The following CNTNAP5 variants were observed in gnomAD, a reference collection of about 807,000 sequenced individuals.
The protein encoded by CNTNAP5 is contactin associated protein family member 5.
A neutral mutation model predicts 150.2 loss-of-function variants in CNTNAP5; 72 were observed. The observed-to-expected ratio is 0.48, with a 90% CI of 0.40 to 0.58. The LOEUF is 0.58. Among genes scored for constraint, CNTNAP5 ranks in the 20% least tolerant of loss-of-function variants. The pLI, the probability that CNTNAP5 is intolerant of heterozygous loss-of-function variation, is 0.00. For synonymous variants in CNTNAP5, 672 were observed against 619.8 expected (o/e 1.08, Z -1.25); for missense variants, 1,636 against 1,626.2 (o/e 1.01, Z -0.10).
At chr2:124,459,165 A>C (rs1693190220) in intron 6 of CNTNAP5, among the ~76,000 whole-genome samples, 1 of 152,218 alleles carries the variant, frequency 6.6e-6, no homozygotes, top group Non-Finnish European at 1.5e-5. Flanking sequence ...AATTGCGGTC[A>C]GCCCTGCATG....
At chr2:124,822,864 G>T (rs989272686) in intron 19 of CNTNAP5, among the ~76,000 whole-genome samples, 3 of 152,146 alleles carry the variant, frequency 2.0e-5, no homozygotes, top group Admixed American at 2.0e-4. Context: ...GGATATTGAC[G>T]TAGAGGTATC....
intron 1 of CNTNAP5, among the ~76,000 whole-genome samples, chr2:124,059,763 A>C (rs1681954114): frequency 6.6e-6 from 1 of 151,954 alleles, no homozygotes; most frequent in African/African-American, 2.4e-5. Context: ...AGAGTTTTTC[A>C]ATATCTGTGT....
chr2:124,063,059 T>A (rs184219216), intron 1 of CNTNAP5, among the ~76,000 whole-genome samples: 1 of 152,112 alleles, frequency 6.6e-6, no homozygotes, highest in South Asian at 2.1e-4. Context: ...TTCCTGTCCT[T>A]ACTGATTCTC....
At chr2:124,806,649 A>G (rs1232039650) in intron 19 of CNTNAP5, among the ~76,000 whole-genome samples, 1 of 152,196 alleles carries the variant, frequency 6.6e-6, no homozygotes, top group African/African-American at 2.4e-5. Context: ...GTACTGTGAG[A>G]ATCAGAATAA....
At chr2:124,854,292 T>C (rs1001859781) in intron 19 of CNTNAP5, among the ~76,000 whole-genome samples, 3 of 152,206 alleles carry the variant, frequency 2.0e-5, no homozygotes, top group Non-Finnish European at 4.4e-5. Context: ...TAGCATGACA[T>C]AGTGGAAAGG....
intron 18 of CNTNAP5, among the ~76,000 whole-genome samples, chr2:124,792,345 G>T (rs1681752571): frequency 6.6e-6 from 1 of 151,970 alleles, no homozygotes; most frequent in East Asian, 1.9e-4. Flanking sequence ...TAACTTATTG[G>T]GGCTCATAAA....
intron 3 of CNTNAP5, among the ~76,000 whole-genome samples, chr2:124,324,178 G>A (rs1249748779): frequency 2.0e-5 from 3 of 152,248 alleles, no homozygotes; most frequent in East Asian, 1.9e-4. Flanking sequence ...TTAGTTCCTA[G>A]GGAACCACTG....
intron 3 of CNTNAP5, among the ~76,000 whole-genome samples, chr2:124,254,738 A>C (rs2104784197): frequency 6.6e-6 from 1 of 152,274 alleles, no homozygotes; most frequent in East Asian, 1.9e-4. Context: ...AATCTCAGGA[A>C]CCATTTGTCA....
At chr2:124,500,244 G>T (rs897428922) in intron 7 of CNTNAP5, among the ~76,000 whole-genome samples, 1 of 152,160 alleles carries the variant, frequency 6.6e-6, no homozygotes, top group African/African-American at 2.4e-5. Flanking sequence ...TCATGGCACA[G>T]TCGAGCTGAC....
At chr2:124,488,930 C>A (rs550625417) in intron 7 of CNTNAP5, among the ~76,000 whole-genome samples, 1 of 152,144 alleles carries the variant, frequency 6.6e-6, no homozygotes, top group Non-Finnish European at 1.5e-5. Context: ...TCTCCCTCCA[C>A]TAAATGTTTT....
At chr2:124,631,039 G>C (rs1184871114) in intron 12 of CNTNAP5, among the ~76,000 whole-genome samples, 1 of 151,930 alleles carries the variant, frequency 6.6e-6, no homozygotes, top group Non-Finnish European at 1.5e-5. Context: ...ACCTCTTCAA[G>C]GAAAACTAAA....
chr2:124,417,410 C>T lies in CNTNAP5; in HGVS notation c.382-33C>T, dbSNP rs781620397. On this transcript the variant is annotated intron_variant, in intron 3 of 23. Coordinates refer to ENST00000682447, the MANE Select transcript of CNTNAP5 (RefSeq NM_001367498.1). ...TTTCCACTGAAATTCCATGATAGCA[C>T]AGACCTCACTGCCTCTCCTTTCTTC... The T allele has an allele frequency of 2.7e-5, 43 of 1,603,344 alleles. No individual in the cohort carries two copies. The Admixed American group carries it at 7.0e-4, about 26-fold the overall frequency.
At chr2:124,126,247 C>G (rs977238940) in intron 1 of CNTNAP5, among the ~76,000 whole-genome samples, 1 of 152,084 alleles carries the variant, frequency 6.6e-6, no homozygotes, top group Non-Finnish European at 1.5e-5. Context: ...ACCACTGATC[C>G]CACAGAAGTA....
chr2:124,798,014 G>A, intron 18 of CNTNAP5, 82 bp from the exon 19 acceptor site: 7 of 1,014,918 alleles, frequency 6.9e-6, no homozygotes, highest in Non-Finnish European at 1.0e-5. Context: ...CCAGTGCATA[G>A]GAAACGAGAA....
At chr2:124,796,664 T>G (rs1681852588) in intron 18 of CNTNAP5, among the ~76,000 whole-genome samples, 1 of 152,256 alleles carries the variant, frequency 6.6e-6, no homozygotes. Context: ...GGAACACATT[T>G]GCAATAGAAT....
intron 1 of CNTNAP5, among the ~76,000 whole-genome samples, chr2:124,184,383 G>A (rs1415635912): frequency 6.6e-6 from 1 of 152,148 alleles, no homozygotes; most frequent in Non-Finnish European, 1.5e-5. Context: ...CTGGTGTATG[G>A]TTGTCAGATA....
rs370328798 is a variant in CNTNAP5, at chr2:124,634,932, GTCT to G, written c.1877-12822_1877-12820del. ...CCAAACTTTCCTGCACCTTCCTGTAGTCTTCTGAGCCCTTCAAACTGTTGCAAT... is the reference window on the plus strand; with the variant it reads ...CCAAACTTTCCTGCACCTTCCTGTAGTCTGAGCCCTTCAAACTGTTGCAAT... On this transcript the variant is annotated intron_variant, in intron 12 of 23. Coordinates refer to ENST00000682447, the MANE Select transcript of CNTNAP5 (RefSeq NM_001367498.1). Among the ~76,000 whole-genome samples the G allele has an allele frequency of 3.5e-4, 54 of 152,200 alleles. 1 individual carries two copies. The highest frequency in any genetic ancestry group is 1.2e-3 in the African/African-American group (50 of 41,524).
intron 3 of CNTNAP5, among the ~76,000 whole-genome samples, chr2:124,353,768 G>A (rs2104704876): frequency 6.6e-6 from 1 of 152,304 alleles, no homozygotes; most frequent in African/African-American, 2.4e-5. Context: ...AGTTAAAAGT[G>A]TAGACAGTAC....
At chr2:124,248,882 TC>T (rs1335258592) in intron 3 of CNTNAP5, among the ~76,000 whole-genome samples, 3 of 152,156 alleles carry the variant, frequency 2.0e-5, no homozygotes, top group Non-Finnish European at 4.4e-5. Context: ...ACAGCTGATA[TC>T]AAAATAAGGA....
Sources: allele counts gnomAD v4.1 joint callset (sites outside exome capture counted in the v4.1 genomes callset), GRCh38; gene constraint gnomAD v4.1.1; transcripts MANE v1.5; gene names NCBI Gene and HGNC (gene_info 2026-07-23, HGNC 2026-07-21).